Variants in PRMT8 observed in about 807,000 individuals in gnomAD.
PRMT8 encodes the protein protein arginine N-methyltransferase 8.
PRMT8 carries 7 observed loss-of-function variants against 47.1 expected under a neutral mutation model. The ratio of observed to expected loss-of-function variants is 0.15; its 90% CI spans 0.08 to 0.28. The LOEUF (loss-of-function observed/expected upper bound fraction) is 0.28, where lower values mean the gene tolerates loss of function less well. PRMT8 is among the 10% of genes least tolerant of loss of function. The probability of loss-of-function intolerance (pLI) is 1.00; values close to 1 mark genes in which losing one functional copy is unlikely to be tolerated. For missense variants in PRMT8, 237 were observed against 505.4 expected, an observed-to-expected ratio of 0.47 and a Z score of 5.09; for synonymous variants, 188 against 186.5, an observed-to-expected ratio of 1.01 and a Z score of -0.07.
At chr12:3,410,098 A>G (rs185844916) in intron 1 of PRMT8, among the ~76,000 whole-genome samples, 26 of 152,296 alleles carry the variant, frequency 1.7e-4, no homozygotes, top group Admixed American at 5.2e-4. Flanking sequence ...GGAAGGTCCT[A>G]AATTCTAATC....
At position 3,583,086 on chromosome 12, in the gene PRMT8, A is replaced by C; in HGVS notation, c.857A>C (p.Glu286Ala). ...GTGGACATTTACACAGTGAAGACGGAAGAGCTATCGTTCACATCTGCATTC... is the reference window on the plus strand; with the variant it reads ...GTGGACATTTACACAGTGAAGACGGCAGAGCTATCGTTCACATCTGCATTC... The part of the protein sequence containing the change: ...KEVDIYTVKT[E>A]ELSFTSAFCL... Residue 286 changes from glutamate (E) to alanine (A), a missense_variant, in exon 8 of 10, where the codon GAA becomes GCA. By Grantham distance (107) the Glu-to-Ala change is moderately radical (BLOSUM62 -1). Transcript: ENST00000382622. This position sits in a 1 kb window ranked among gnomAD's most constrained non-coding sequence, Gnocchi z 4.7. 3 of 1,614,030 alleles carry C rather than the reference A, an allele frequency of 1.9e-6. No individual in the cohort carries two copies. The highest frequency in any genetic ancestry group is 2.5e-6 in the Non-Finnish European group (3 of 1,179,974).
chr12:3,455,960 A>G (rs534903456), intron 1 of PRMT8, among the ~76,000 whole-genome samples: 4 of 152,182 alleles, frequency 2.6e-5, no homozygotes, highest in South Asian at 2.1e-4. Context: ...TTCTATATCT[A>G]TCTCTGTCTC....
At chr12:3,463,318 C>T (rs1246619432) in intron 1 of PRMT8, 3 of 152,214 alleles carry the variant, frequency 2.0e-5, no homozygotes, top group African/African-American at 7.2e-5. Context: ...GGAAAGTATA[C>T]ACATCCAGAC....
intron 1 of PRMT8, among the ~76,000 whole-genome samples, chr12:3,484,427 G>A (rs562357061): frequency 3.3e-4 from 50 of 152,336 alleles, no homozygotes; most frequent in African/African-American, 1.1e-3. Flanking sequence ...GCACAGGCAC[G>A]CTGACCCCTG....
intron 1 of PRMT8, among the ~76,000 whole-genome samples, chr12:3,496,914 ATTTTT>A (rs34785835): frequency 3.1e-5 from 4 of 129,458 alleles, no homozygotes; most frequent in Non-Finnish European, 6.6e-5. Flanking sequence ...AAGATACCCA[ATTTTT>A]TTTTTTTTTT....
At chr12:3,528,071 C>A (rs994865465) in intron 1 of PRMT8, among the ~76,000 whole-genome samples, 1 of 152,106 alleles carries the variant, frequency 6.6e-6, no homozygotes, top group Non-Finnish European at 1.5e-5. Context: ...ACCCCTGCCA[C>A]TTTTAAGATT....
intron 1 of PRMT8, among the ~76,000 whole-genome samples, chr12:3,472,967 G>T (rs150891013): frequency 6.6e-6 from 1 of 151,980 alleles, no homozygotes; most frequent in African/African-American, 2.4e-5. Context: ...ACCAGTTCTC[G>T]TATTTTATAT....
chr12:3,495,032 C>G (rs775703623), intron 1 of PRMT8, among the ~76,000 whole-genome samples: 1 of 152,202 alleles, frequency 6.6e-6, no homozygotes, highest in Non-Finnish European at 1.5e-5. Context: ...TTCTCCCTCT[C>G]CCCTGTTCCC....
chr12:3,588,799 G>T (rs1283511308), intron 8 of PRMT8, among the ~76,000 whole-genome samples: 2 of 152,238 alleles, frequency 1.3e-5, no homozygotes, highest in African/African-American at 4.8e-5. Flanking sequence ...GGTATGTGGG[G>T]CCAGAATGCT....
At chr12:3,460,013 C>T (rs2137087371) in intron 1 of PRMT8, among the ~76,000 whole-genome samples, 1 of 152,336 alleles carries the variant, frequency 6.6e-6, no homozygotes, top group Non-Finnish European at 1.5e-5. Context: ...TTTTAATTGT[C>T]CCCTGGGAGG....
Position 3,578,966 on chromosome 12 carries a change from A to G in PRMT8, c.828+1980A>G, listed in dbSNP as rs144468914. Among the ~76,000 whole-genome samples the G allele has an allele frequency of 4.1e-3, 631 of 152,238 alleles. 3 individuals are homozygous for G. Among genetic ancestry groups the G allele is most frequent in the Non-Finnish European group, 6.9e-3 (471 of 67,998 alleles). On this transcript the variant is annotated intron_variant, in intron 7 of 9. Transcript: ENST00000382622. ...ACTCTCCATTCACAGGGTTCTCACT[A>G]CTTCATTCAGCCTTTTCTGGGTCCA...
chr12:3,560,006 C>T (rs2137192024), intron 4 of PRMT8, among the ~76,000 whole-genome samples: 2 of 152,332 alleles, frequency 1.3e-5, no homozygotes, highest in Middle Eastern at 6.8e-3. Context: ...CCCATTCCTC[C>T]CTTCACACAC....
intron 1 of PRMT8, among the ~76,000 whole-genome samples, chr12:3,447,211 C>G (rs370238509): frequency 1.8e-4 from 27 of 152,194 alleles, no homozygotes; most frequent in African/African-American, 6.0e-4. Context: ...TCTCATTTTG[C>G]TTTCCAAAAC....
intron 8 of PRMT8, among the ~76,000 whole-genome samples, chr12:3,587,036 T>C (rs1005317038): frequency 6.6e-6 from 1 of 152,196 alleles, no homozygotes; most frequent in Non-Finnish European, 1.5e-5. Context: ...AGACCATCTA[T>C]ATTCTGACAA....
intron 2 of PRMT8, among the ~76,000 whole-genome samples, chr12:3,548,013 A>C (rs940963120): frequency 5.3e-5 from 8 of 152,216 alleles, no homozygotes; most frequent in Non-Finnish European, 1.0e-4. Flanking sequence ...AGTTAATATA[A>C]AGGTGCAGCA....
chr12:3,473,563 C>A (rs1470263876), intron 1 of PRMT8, among the ~76,000 whole-genome samples: 1 of 152,076 alleles, frequency 6.6e-6, no homozygotes, highest in Non-Finnish European at 1.5e-5. Flanking sequence ...TTCAAAGGCC[C>A]AACGACCCCT....
At chr12:3,387,832 T>C (rs1864156109) in intron 1 of PRMT8, among the ~76,000 whole-genome samples, 1 of 152,214 alleles carries the variant, frequency 6.6e-6, no homozygotes, top group Non-Finnish European at 1.5e-5. Context: ...TATTTGAATA[T>C]ATTGAATTAC....
At chr12:3,466,113 G>C (rs1403543522) in intron 1 of PRMT8, among the ~76,000 whole-genome samples, 1 of 152,212 alleles carries the variant, frequency 6.6e-6, no homozygotes, top group Non-Finnish European at 1.5e-5. Context: ...ACGCTGCACT[G>C]TGCCAAGCTC....
chr12:3,505,072 C>T (rs1179140609), intron 1 of PRMT8, among the ~76,000 whole-genome samples: 4 of 141,534 alleles, frequency 2.8e-5, no homozygotes, highest in Non-Finnish European at 6.1e-5. Context: ...GCGCACGGTG[C>T]GCACACACAC....
Sources: allele counts gnomAD v4.1 joint callset (sites outside exome capture counted in the v4.1 genomes callset), GRCh38; gene constraint gnomAD v4.1.1; non-coding constraint Gnocchi (gnomAD v3.1); transcripts MANE v1.5; gene names NCBI Gene and HGNC (gene_info 2026-07-23, HGNC 2026-07-21).